Variants in CMYA5 observed in about 807,000 individuals in gnomAD.
CMYA5 encodes cardiomyopathy-associated protein 5.
A neutral mutation model predicts 318.9 loss-of-function variants in CMYA5; 246 were observed. The observed-to-expected ratio is 0.77, with a 90% CI of 0.70 to 0.86. The LOEUF (loss-of-function observed/expected upper bound fraction) is 0.86. CMYA5 is among the 40% of genes least tolerant of loss of function. The pLI is 0.00. For missense variants in CMYA5, 4,589 were observed against 4,678.2 expected (o/e 0.98, Z 0.56); for synonymous variants, 1,641 against 1,729.5 (o/e 0.95, Z 1.27).
chr5:79,690,405 A>G (rs1826944946), intron 1 of CMYA5, among the ~76,000 whole-genome samples: 1 of 152,108 alleles, frequency 6.6e-6, no homozygotes, highest in Non-Finnish European at 1.5e-5. Context: ...GCGCTAGAGG[A>G]GAAGGGGGTG....
Position 79,729,778 on chromosome 5 carries a change from T to C in CMYA5, c.1013T>C (p.Leu338Ser), listed in dbSNP as rs1362020255. ...TCTCCCCTAAATGCCACATCTGCAT[T>C]GGAGCACACAGTTCCCTCTTATTCA... The part of the protein sequence containing the change: ...ADSPLNATSA[L>S]EHTVPSYSSS... Residue 338 changes from leucine to serine, a missense_variant, in exon 2 of 13, where the codon TTG becomes TCG. Physicochemically the swap from Leu to Ser is moderately radical, Grantham distance 145 (BLOSUM62 -2). Transcript: ENST00000446378. 1 of 1,613,828 alleles carries C rather than the reference T, an allele frequency of 6.2e-7. No individual in the cohort carries two copies. The highest frequency in any genetic ancestry group is 1.3e-5 in the African/African-American group (1 of 74,928).
chr5:79,759,158 G>A (rs894098235), intron 7 of CMYA5, among the ~76,000 whole-genome samples: 5 of 152,176 alleles, frequency 3.3e-5, no homozygotes, highest in Non-Finnish European at 7.3e-5. Context: ...TTCACATTTG[G>A]CTTTGAGCTC....
chr5:79,799,873 A>ACGCCGACCACCG lies in CMYA5; in HGVS notation c.*257_*258insCGCCGACCACCG. On this transcript the variant is annotated 3_prime_UTR_variant, in exon 13 of 13. Coordinates refer to ENST00000446378, the MANE Select transcript of CMYA5 (RefSeq NM_153610.5). Reference sequence around the variant, plus strand: ...AAGTTTGAGTTCTTTCCTAAATTAAAAGATCTACACTTGAGTTGGGAACCG... The same window carrying ACGCCGACCACCG: ...AAGTTTGAGTTCTTTCCTAAATTAAACGCCGACCACCGAGATCTACACTTGAGTTGGGAACCG... 8 of 142,346 alleles carry ACGCCGACCACCG rather than the reference A, an allele frequency of 5.6e-5. No homozygotes were observed. The highest frequency in any genetic ancestry group is 1.5e-4 in the South Asian group (1 of 6,880). 8.8% of individuals were successfully genotyped at this position (142,346 alleles called of 1,614,324 possible). A position where few individuals can be genotyped will look rare whatever the true frequency, so the allele number is the denominator to read the frequency against.
chr5:79,731,390 C>A lies in CMYA5; in HGVS notation c.2625C>A (p.Thr875=), dbSNP rs751477281. 1.2e-6 allele frequency: 2 copies of A among 1,613,778 alleles called. No individual in the cohort carries two copies. The highest frequency in any genetic ancestry group is 1.3e-5 in the African/African-American group (1 of 75,038). Residue 875 remains threonine (T), a synonymous_variant, in exon 2 of 13, where the codon ACC becomes ACA. Transcript: ENST00000446378. ...SECQAPPLSA[T]PSEYVVLSDE... is the part of the protein sequence containing the mutation. ...GCCAGGCCCCACCACTTTCAGCCAC[C>A]CCATCTGAATATGTTGTTCTATCAG...
intron 4 of CMYA5, among the ~76,000 whole-genome samples, chr5:79,746,008 G>A (rs527463963): frequency 9.2e-5 from 14 of 152,284 alleles, no homozygotes; most frequent in South Asian, 6.2e-4. Flanking sequence ...AATTCAAGCA[G>A]GTAACTTGTA....
At chr5:79,695,508 C>T (rs1055483427) in intron 1 of CMYA5, among the ~76,000 whole-genome samples, 1 of 152,176 alleles carries the variant, frequency 6.6e-6, no homozygotes, top group Admixed American at 6.5e-5. Flanking sequence ...AACCACATTT[C>T]GAGTGCTTCA....
chr5:79,731,425 C>T lies in CMYA5; in HGVS notation c.2660C>T (p.Ala887Val), dbSNP rs1192092564. ...TATGTTGTTCTATCAGACGAAGAGG[C>T]AGTCGAGTTGGAACGATACACACCC... ...SEYVVLSDEEAVELERYTPSS... is the reference protein window; with the variant it reads ...SEYVVLSDEEVVELERYTPSS... The change falls in exon 2 of 13, where the codon GCA becomes GTA. Residue 887 changes from alanine (A) to valine (V), a missense_variant. Ala to Val is a moderately conservative substitution (Grantham distance 64). Around this residue, in one of 3 missense-constraint regions of CMYA5, gnomAD observed 2,132 missense variants for 2,131.3 expected, o/e 1.00. Transcript: ENST00000446378. The T allele has an allele frequency of 4.3e-6, 7 of 1,613,282 alleles. No homozygotes were observed. The highest frequency in any genetic ancestry group is 5.9e-6 in the Non-Finnish European group (7 of 1,179,666).
chr5:79,740,479 G>C (rs1355035682), intron 2 of CMYA5, among the ~76,000 whole-genome samples: 1 of 152,164 alleles, frequency 6.6e-6, no homozygotes. Flanking sequence ...ACAATACATT[G>C]AGACATTTCA....
intron 9 of CMYA5, among the ~76,000 whole-genome samples, chr5:79,767,861 T>A (rs759850804): frequency 1.3e-5 from 2 of 152,132 alleles, no homozygotes; most frequent in Non-Finnish European, 2.9e-5. Flanking sequence ...ATATGTTAAT[T>A]TTCTGTCTCA....
chr5:79,738,396 G>C lies in CMYA5; in HGVS notation c.9631G>C (p.Ala3211Pro). ...AGAGAAAAAGAAGGAAGAGGAGACA[G>C]CTTCTGAAGGTGACAGTGTGAATTC... The part of the protein sequence containing the change: ...VGEKKKEEET[A>P]SEGDSVNSEA... Residue 3211 changes from alanine (A) to proline (P), a missense_variant, in exon 2 of 13, where the codon GCT becomes CCT. Ala to Pro is a conservative substitution (Grantham distance 27). Around this residue, in one of 3 missense-constraint regions of CMYA5, gnomAD observed 2,431 missense variants for 2,495.1 expected, o/e 0.97. Coordinates refer to ENST00000446378, the MANE Select transcript of CMYA5 (RefSeq NM_153610.5). 1 of 1,613,754 alleles carries C rather than the reference G, an allele frequency of 6.2e-7. No individual in the cohort carries two copies. Among genetic ancestry groups the C allele is most frequent in the Non-Finnish European group, 8.5e-7 (1 of 1,179,838 alleles).
chr5:79,723,455 AAAAAG>A (rs1320952825), intron 1 of CMYA5, among the ~76,000 whole-genome samples: 5 of 150,600 alleles, frequency 3.3e-5, no homozygotes, highest in African/African-American at 7.3e-5. Flanking sequence ...AAAAAAAAAA[AAAAAG>A]AAAAGAAAAG....
chr5:79,738,197 A>G lies in CMYA5; in HGVS notation c.9432A>G (p.Thr3144=), dbSNP rs193220493. 1.2e-5 allele frequency: 19 copies of G among 1,613,918 alleles called. No individual in the cohort carries two copies. In the Admixed American group the frequency reaches 1.8e-4, roughly 16 times the overall value. Residue 3144 remains threonine (T), a synonymous_variant, in exon 2 of 13, where the codon ACA becomes ACG. Transcript: ENST00000446378. ...NSADRNVSKD[T]KRDVDSKSPG... is the part of the protein sequence containing the mutation. ...CTGACAGGAATGTTTCAAAGGACAC[A>G]AAGAGAGATGTGGACTCAAAGTCAC...
At chr5:79,747,380 G>T (rs1462169726) in intron 5 of CMYA5, among the ~76,000 whole-genome samples, 1 of 152,118 alleles carries the variant, frequency 6.6e-6, no homozygotes, top group African/African-American at 2.4e-5. Context: ...CCTAATCTAG[G>T]CCATCTTTCC....
chr5:79,692,863 T>A (rs1345422933), intron 1 of CMYA5, among the ~76,000 whole-genome samples: 1 of 152,214 alleles, frequency 6.6e-6, no homozygotes, highest in East Asian at 1.9e-4. Context: ...TCACTTTGTA[T>A]TCATTCATTC....
chr5:79,729,452 TA>T lies in CMYA5; in HGVS notation c.689del (p.Lys230ArgfsTer10). ...ACATAGGAACAGTACAATATAAAAT[TA>T]AGATGTTTAATTCGGTTAAAGAAGA... ...VYIGTVQYKIKMFNSVKEELI... is the reference protein window; with the variant it reads ...VYIGTVQYKIXMFNSVKEELI... On this transcript the variant is annotated frameshift_variant, in exon 2 of 13. Transcript: ENST00000446378. LOFTEE classifies it high-confidence loss of function. 6.2e-7 allele frequency: 1 copy of T among 1,612,482 alleles called. No homozygotes were observed. The highest frequency in any genetic ancestry group is 8.5e-7 in the Non-Finnish European group (1 of 1,179,114).
chr5:79,755,714 A>G (rs1828515410), intron 6 of CMYA5, among the ~76,000 whole-genome samples: 1 of 152,222 alleles, frequency 6.6e-6, no homozygotes, highest in Non-Finnish European at 1.5e-5. Context: ...ATATCTATGG[A>G]ATATTCTTAT....
chr5:79,712,993 G>T (rs550301887), intron 1 of CMYA5, among the ~76,000 whole-genome samples: 1 of 152,310 alleles, frequency 6.6e-6, no homozygotes, highest in South Asian at 2.1e-4. Flanking sequence ...AGCTGTTGAA[G>T]AATTCCAGCA....
chr5:79,760,519 T>G (rs773946844), intron 7 of CMYA5, among the ~76,000 whole-genome samples: 1 of 152,090 alleles, frequency 6.6e-6, no homozygotes, highest in Non-Finnish European at 1.5e-5. Flanking sequence ...GGAGACAGAA[T>G]CATGGCAGAA....
At chr5:79,778,946 G>C (rs1829001673) in intron 9 of CMYA5, among the ~76,000 whole-genome samples, 1 of 113,636 alleles carries the variant, frequency 8.8e-6, no homozygotes, top group Non-Finnish European at 1.7e-5. Context: ...AAGTTTTAGG[G>C]TACATGTGCA....
Sources: gnomAD v4.1 joint callset for allele counts (sites outside exome capture counted in the v4.1 genomes callset) on GRCh38, gnomAD v4.1.1 for gene constraint, gnomAD v4.1.1 regional missense constraint, MANE v1.5 for transcripts, NCBI Gene and HGNC (gene_info 2026-07-23, HGNC 2026-07-21) for gene names.